Variants in CYP4Z1 observed in about 807,000 individuals in gnomAD.
The protein encoded by CYP4Z1 is cytochrome P450 family 4 subfamily Z member 1.
Under a neutral mutation model 54.2 loss-of-function variants are expected in CYP4Z1, and 41 were observed. The ratio of observed to expected loss-of-function variants is 0.76; its 90% CI spans 0.59 to 0.98. The LOEUF (loss-of-function observed/expected upper bound fraction) is 0.98. Among genes scored for constraint, CYP4Z1 ranks in the 50% least tolerant of loss-of-function variants. The pLI, the probability that CYP4Z1 is intolerant of heterozygous loss-of-function variation, is 0.00. For missense variants in CYP4Z1, 513 were observed against 599.0 expected (o/e 0.86, Z 1.50); for synonymous variants, 163 against 206.2 (o/e 0.79, Z 1.79).
At chr1:47,078,141 T>C (rs1252900290) in intron 2 of CYP4Z1, among the ~76,000 whole-genome samples, 1 of 152,206 alleles carries the variant, frequency 6.6e-6, no homozygotes, top group East Asian at 1.9e-4. Context: ...TTTCCCTCTT[T>C]GCTCTTCTGG....
intron 9 of CYP4Z1, among the ~76,000 whole-genome samples, chr1:47,109,127 G>A (rs1415593449): frequency 1.4e-3 from 208 of 149,098 alleles, no homozygotes; most frequent in African/African-American, 5.1e-3. Flanking sequence ...TCCCTCCTAA[G>A]ATCCTACTTA....
chr1:47,087,416 T>A (rs1557625931), intron 6 of CYP4Z1, among the ~76,000 whole-genome samples: 2 of 152,216 alleles, frequency 1.3e-5, no homozygotes, highest in Non-Finnish European at 2.9e-5. Context: ...TTCACATCCC[T>A]TGTAAGTTGG....
chr1:47,117,141 C>A (rs2236332), intron 11 of CYP4Z1, among the ~76,000 whole-genome samples: 1 of 152,064 alleles, frequency 6.6e-6, no homozygotes, highest in African/African-American at 2.4e-5. Context: ...ATGAGAGACA[C>A]CCGATTTACC....
chr1:47,082,616 G>A (rs1644563245), intron 4 of CYP4Z1, among the ~76,000 whole-genome samples, 155 bp downstream of exon 4: 1 of 151,960 alleles, frequency 6.6e-6, no homozygotes, highest in Non-Finnish European at 1.5e-5. Flanking sequence ...ATCAGGGCAA[G>A]GACCCTGTCT....
At chr1:47,076,799 C>T (rs940277601) in intron 2 of CYP4Z1, among the ~76,000 whole-genome samples, 3 of 137,694 alleles carry the variant, frequency 2.2e-5, no homozygotes, top group African/African-American at 8.2e-5. Context: ...GAGCCGAGAT[C>T]GCGCCCCTGC....
At chr1:47,061,347 G>A in the CYP4Z1 span, among the ~76,000 whole-genome samples, 3 of 152,070 alleles carry the variant, frequency 2.0e-5, no homozygotes, top group Non-Finnish European at 1.5e-5. Flanking sequence ...TAACAAAGAG[G>A]ATGCTACCAC....
chr1:47,076,708 G>A lies in CYP4Z1; in HGVS notation c.320-3915G>A, dbSNP rs369454915. Reference sequence around the variant, plus strand: ...AAAATACAAAAAATTAGCCGGGAGCGGTGGCGGGCTCCTGTAGTCCCAGCT... The same window carrying A: ...AAAATACAAAAAATTAGCCGGGAGCAGTGGCGGGCTCCTGTAGTCCCAGCT... On this transcript the variant is annotated intron_variant, in intron 2 of 11. Coordinates refer to ENST00000334194, the MANE Select transcript of CYP4Z1 (RefSeq NM_178134.3). 3.7e-3 allele frequency among the ~76,000 whole-genome samples: 564 copies of A among 150,736 alleles called. 10 individuals carry two copies. Among genetic ancestry groups the A allele is most frequent in the African/African-American group, 8.3e-3 (339 of 41,010 alleles).
upstream of CYP4Z1, among the ~76,000 whole-genome samples, chr1:47,062,812 C>T (rs923261237): frequency 1.3e-5 from 2 of 152,178 alleles, no homozygotes; most frequent in Non-Finnish European, 2.9e-5. Context: ...TGGCCCTGCC[C>T]ACCACCTGAG....
At chr1:47,116,305 C>T (rs1442446059) in intron 10 of CYP4Z1, among the ~76,000 whole-genome samples, 3 of 152,118 alleles carry the variant, frequency 2.0e-5, no homozygotes, top group African/African-American at 7.2e-5. Context: ...TGATGCTTTG[C>T]CCATTTTTAT....
intron 2 of CYP4Z1, among the ~76,000 whole-genome samples, chr1:47,072,919 CT>C (rs1644492808): frequency 6.6e-6 from 1 of 152,090 alleles, no homozygotes; most frequent in South Asian, 2.1e-4. Flanking sequence ...TAGGCATTGT[CT>C]TTTATGTGTG....
chr1:47,113,362 A>T (rs1273523094), intron 9 of CYP4Z1, among the ~76,000 whole-genome samples: 1 of 152,120 alleles, frequency 6.6e-6, no homozygotes, highest in Non-Finnish European at 1.5e-5. Flanking sequence ...GGCTCTATAC[A>T]TGAGGTTCCC....
rs186927434 is a variant in CYP4Z1 at position 47,085,843 on chromosome 1, C to A, written c.772+865C>A. 4.9e-3 allele frequency among the ~76,000 whole-genome samples: 555 copies of A among 114,042 alleles called. 5 individuals carry two copies. In the East Asian group the frequency reaches 0.064, roughly 13 times the overall value. 74.8% of individuals were successfully genotyped at this position (114,042 alleles called of 152,430 possible). ...TATCTCCTAATGCTATCCCACCCCCCTCCCCCCACCCCACAACAGGCCCCA... is the reference window on the plus strand; with the variant it reads ...TATCTCCTAATGCTATCCCACCCCCATCCCCCCACCCCACAACAGGCCCCA... On this transcript the variant is annotated intron_variant, in intron 6 of 11. Coordinates refer to ENST00000334194, the MANE Select transcript of CYP4Z1 (RefSeq NM_178134.3).
At chr1:47,093,324 T>C (rs1644653158) in intron 6 of CYP4Z1, among the ~76,000 whole-genome samples, 1 of 151,784 alleles carries the variant, frequency 6.6e-6, no homozygotes, top group South Asian at 2.1e-4. Context: ...CTGTTAAATA[T>C]GCCACCTATG....
chr1:47,084,504 T>G, intron 4 of CYP4Z1, 116 bp from the exon 5 acceptor site: 2 of 1,452,544 alleles, frequency 1.4e-6, no homozygotes, highest in East Asian at 2.4e-5. Flanking sequence ...TAAGGCAAAT[T>G]CATTTTGTAC....
the CYP4Z1 span, among the ~76,000 whole-genome samples, chr1:47,056,920 T>C: frequency 6.6e-6 from 1 of 152,168 alleles, no homozygotes; most frequent in Admixed American, 6.5e-5. Flanking sequence ...CCCATTTACA[T>C]TTAAGGTTAA....
chr1:47,110,185 C>G (rs2148541414), intron 9 of CYP4Z1, among the ~76,000 whole-genome samples: 1 of 138,874 alleles, frequency 7.2e-6, no homozygotes, highest in East Asian at 2.8e-4. Context: ...TGCCATGAAT[C>G]TGATGGTCCA....
chr1:47,085,112 T>G (rs892389163), intron 6 of CYP4Z1, 134 bp downstream of exon 6: 2 of 604,780 alleles, frequency 3.3e-6, no homozygotes, highest in Non-Finnish European at 5.9e-6. Context: ...TTTGTACCTC[T>G]TAAATGAATG....
intron 7 of CYP4Z1, 36 bp downstream of exon 7, chr1:47,094,705 ATAAT>A (rs1644664127): frequency 2.0e-6 from 3 of 1,508,644 alleles, no homozygotes; most frequent in Non-Finnish European, 2.7e-6. Flanking sequence ...ATTCGACTCA[ATAAT>A]TAAATAATAA....
intron 2 of CYP4Z1, among the ~76,000 whole-genome samples, chr1:47,077,761 C>T (rs9729609): frequency 0.42 from 62,580 of 150,050 alleles, 14,437 homozygotes; most frequent in East Asian, 0.97. Context: ...GTTGGAACTA[C>T]AGGCCTGCAC....
Sources: allele counts gnomAD v4.1 joint callset (sites outside exome capture counted in the v4.1 genomes callset), GRCh38; gene constraint gnomAD v4.1.1; transcripts MANE v1.5; gene names NCBI Gene and HGNC (gene_info 2026-07-23, HGNC 2026-07-21).